The following NT5C2 variants were observed in gnomAD, a reference collection of about 807,000 sequenced individuals.
NT5C2 encodes 5'-nucleotidase, cytosolic II.
A neutral mutation model predicts 76.1 loss-of-function variants in NT5C2; 58 were observed. That is an observed-to-expected ratio of 0.76 (90% CI 0.62 to 0.95). The LOEUF is 0.95. Among genes scored for constraint, NT5C2 ranks in the 40% least tolerant of loss-of-function variants. The pLI is 0.00. For missense variants in NT5C2, 478 were observed against 690.3 expected, an observed-to-expected ratio of 0.69 and a Z score of 3.45; for synonymous variants, 229 against 237.4, an observed-to-expected ratio of 0.96 and a Z score of 0.32.
At chr10:103,189,382 C>T (rs1463397995) in intron 1 of NT5C2, among the ~76,000 whole-genome samples, 2 of 151,730 alleles carry the variant, frequency 1.3e-5, no homozygotes, top group African/African-American at 2.4e-5. Flanking sequence ...CCAAGGCGGA[C>T]GGATCATGAG....
rs1564646035 is a variant in NT5C2, at chr10:103,181,184, C to T, written c.-25+1G>A. The T allele has an allele frequency of 6.6e-6, 1 of 151,854 alleles. No homozygotes were observed. Among genetic ancestry groups the T allele is most frequent in the Non-Finnish European group, 1.5e-5 (1 of 67,978 alleles). 9.4% of individuals were successfully genotyped at this position (151,854 alleles called of 1,614,324 possible). A position where few individuals can be genotyped will look rare whatever the true frequency, so the allele number is the denominator to read the frequency against. ...TATACTCTGTGCAACTTATTGTATA[C>T]CAATTATGCCACAATAAGACTTTTT... On this transcript the variant is annotated splice_donor_variant, in intron 2 of 18. Coordinates refer to ENST00000404739, the MANE Select transcript of NT5C2 (RefSeq NM_001351169.2). LOFTEE classifies it low-confidence loss of function (5UTR_SPLICE).
intron 3 of NT5C2, among the ~76,000 whole-genome samples, chr10:103,141,457 CCAAAAAAATAA>C (rs1297460703): frequency 6.6e-6 from 1 of 151,752 alleles, no homozygotes; most frequent in African/African-American, 2.4e-5. Context: ...GACCCTGTTC[CCAAAAAAATAA>C]CAAATAAATT....
At chr10:103,163,865 A>C (rs546166837) in intron 3 of NT5C2, among the ~76,000 whole-genome samples, 21 of 116,514 alleles carry the variant, frequency 1.8e-4, no homozygotes, top group East Asian at 2.8e-4. Flanking sequence ...AAATACAAAA[A>C]AAAAACAAAA....
chr10:103,174,087 C>A (rs531137543), intron 3 of NT5C2, among the ~76,000 whole-genome samples: 1 of 143,178 alleles, frequency 7.0e-6, no homozygotes, highest in Non-Finnish European at 1.5e-5. Context: ...CAGAGCCAGA[C>A]TCCGTCTCAA....
intron 3 of NT5C2, among the ~76,000 whole-genome samples, chr10:103,164,676 A>G (rs1360981297): frequency 6.6e-6 from 1 of 152,256 alleles, no homozygotes; most frequent in Non-Finnish European, 1.5e-5. Flanking sequence ...AGAACAAATT[A>G]CTGATACAAA....
At chr10:103,119,804 C>CA (rs11296588) in intron 4 of NT5C2, among the ~76,000 whole-genome samples, 21 of 151,122 alleles carry the variant, frequency 1.4e-4, no homozygotes, top group Admixed American at 7.3e-4. Context: ...TTTCATTAAA[C>CA]AAAAAAAAAG....
intron 9 of NT5C2, 44 bp from the exon 10 acceptor site, chr10:103,099,028 GT>G: frequency 1.4e-6 from 2 of 1,455,524 alleles, no homozygotes; most frequent in Non-Finnish European, 1.9e-6. Flanking sequence ...AACAAAATCA[GT>G]TTTTAACATG....
rs2075636508 is a variant in NT5C2 at position 103,121,405 on chromosome 10, C to T, written c.176-14699G>A. ...GTTTTTCTCACTCATTTAAGCACCTCCAATGCCAGTAAGTTTGGTGAGGAT... is the reference window on the plus strand; with the variant it reads ...GTTTTTCTCACTCATTTAAGCACCTTCAATGCCAGTAAGTTTGGTGAGGAT... On this transcript the variant is annotated intron_variant, in intron 4 of 18. Transcript: ENST00000404739. Among the ~76,000 whole-genome samples the T allele has an allele frequency of 2.6e-5, 4 of 152,070 alleles. No individual in the cohort carries two copies. The South Asian group carries it at 8.3e-4, about 32-fold the overall frequency.
At chr10:103,193,017 G>T (rs2092763104) in intron 1 of NT5C2, among the ~76,000 whole-genome samples, 1 of 151,872 alleles carries the variant, frequency 6.6e-6, no homozygotes, top group Non-Finnish European at 1.5e-5. Flanking sequence ...TGGGGCGGGG[G>T]CCGCACCGAG....
In NT5C2 at chr10:103,145,352, G is replaced by A. The variant is rs117827023; in HGVS notation, c.102-5873C>T. ...TTCACTGAGGTTATAGCAAAACAAA[G>A]TGTTAGGTACTATATCAACTAAAAG... is the stretch of plus-strand genomic sequence containing the variant. On this transcript the variant is annotated intron_variant, in intron 3 of 18. Coordinates refer to ENST00000404739, the MANE Select transcript of NT5C2 (RefSeq NM_001351169.2). Among the ~76,000 whole-genome samples, 16 of 152,240 alleles carry A rather than the reference G, an allele frequency of 1.1e-4. No individual in the cohort carries two copies. The East Asian group carries it at 2.9e-3, about 28-fold the overall frequency.
intron 4 of NT5C2, among the ~76,000 whole-genome samples, chr10:103,128,293 C>G (rs1454062555): frequency 6.6e-6 from 1 of 150,640 alleles, no homozygotes; most frequent in Non-Finnish European, 1.5e-5. Flanking sequence ...TCTCCAGCCC[C>G]TAACCGCGAG....
chr10:103,152,066 C>T (rs1210005089), intron 3 of NT5C2, among the ~76,000 whole-genome samples: 1 of 152,074 alleles, frequency 6.6e-6, no homozygotes, highest in Non-Finnish European at 1.5e-5. Flanking sequence ...GAACTTTAAC[C>T]GCGTCTAGAA....
chr10:103,145,764 T>A (rs1439179547), intron 3 of NT5C2, among the ~76,000 whole-genome samples: 1 of 152,114 alleles, frequency 6.6e-6, no homozygotes, highest in Non-Finnish European at 1.5e-5. Flanking sequence ...ACAGGAACAC[T>A]CTAAAACGAA....
At chr10:103,178,631 G>A (rs1424714734) in intron 2 of NT5C2, among the ~76,000 whole-genome samples, 3 of 151,888 alleles carry the variant, frequency 2.0e-5, no homozygotes, top group African/African-American at 7.3e-5. Flanking sequence ...AAGAGATGGA[G>A]ACCATCTTGG....
chr10:103,162,116 A>T (rs2085055741), intron 3 of NT5C2, among the ~76,000 whole-genome samples: 1 of 152,118 alleles, frequency 6.6e-6, no homozygotes, highest in Non-Finnish European at 1.5e-5. Flanking sequence ...CATGGGTTCA[A>T]GTGACTCTCC....
At chr10:103,141,376 T>C (rs926911357) in intron 3 of NT5C2, among the ~76,000 whole-genome samples, 1 of 152,140 alleles carries the variant, frequency 6.6e-6, no homozygotes, top group Non-Finnish European at 1.5e-5. Context: ...GAGGATTGCT[T>C]GAGTCTACGA....
At chr10:103,145,392 A>G (rs753295851) in intron 3 of NT5C2, among the ~76,000 whole-genome samples, 1 of 152,208 alleles carries the variant, frequency 6.6e-6, no homozygotes, top group Non-Finnish European at 1.5e-5. Flanking sequence ...TATATCAATT[A>G]CAAGGCTGGC....
chr10:103,124,463 T>C (rs983437391), intron 4 of NT5C2, among the ~76,000 whole-genome samples: 1 of 152,180 alleles, frequency 6.6e-6, no homozygotes, highest in African/African-American at 2.4e-5. Flanking sequence ...GAAGTGTAAA[T>C]AAGGTCAATA....
chr10:103,090,894 A>G (rs781511489), intron 17 of NT5C2, 42 bp downstream of exon 17: 4 of 1,605,556 alleles, frequency 2.5e-6, no homozygotes, highest in African/African-American at 2.7e-5. Flanking sequence ...AAAAGCATTT[A>G]AACTTATTTC....
Sources: gnomAD v4.1 joint callset for allele counts (sites outside exome capture counted in the v4.1 genomes callset) on GRCh38, gnomAD v4.1.1 for gene constraint, MANE v1.5 for transcripts, NCBI Gene and HGNC (gene_info 2026-07-23, HGNC 2026-07-21) for gene names.